The following TMEM161A variants were observed in gnomAD, a reference collection of about 807,000 sequenced individuals.
TMEM161A encodes the protein transmembrane protein 161A.
A neutral mutation model predicts 57.1 loss-of-function variants in TMEM161A; 46 were observed. That is an observed-to-expected ratio of 0.81 (90% CI 0.64 to 1.03). TMEM161A has a LOEUF of 1.03. Ranked by LOEUF, TMEM161A falls within the 50% of genes least tolerant of loss-of-function variation. The pLI is 0.00. For missense variants in TMEM161A, 601 were observed against 621.5 expected, an observed-to-expected ratio of 0.97 and a Z score of 0.35; for synonymous variants, 288 against 279.0, an observed-to-expected ratio of 1.03 and a Z score of -0.32.
At chr19:19,133,668 C>T (rs142133861) in intron 2 of TMEM161A, among the ~76,000 whole-genome samples, 2,699 of 152,194 alleles carry the variant, frequency 0.018, 81 homozygotes, top group African/African-American at 0.062. Context: ...GACAGGGTTT[C>T]ACTATGTTGG....
At position 19,120,060 on chromosome 19, in the gene TMEM161A, G is replaced by C; in HGVS notation, c.1310C>G (p.Ala437Gly). The C allele has an allele frequency of 6.3e-7, 1 of 1,596,728 alleles. No individual in the cohort carries two copies. The highest frequency in any genetic ancestry group is 1.1e-5 in the South Asian group (1 of 88,266). ...VQQTAARIAG[A>G]LGGLLTPLFL... is the part of the protein sequence containing the mutation. ...GAGGGGAGTAAGCAGGCCACCCAGAGCCCCGGCAATCCGCGCTGCAGTCTG... is the reference window on the plus strand; with the variant it reads ...GAGGGGAGTAAGCAGGCCACCCAGACCCCCGGCAATCCGCGCTGCAGTCTG... The change falls in exon 12 of 12, where the codon GCT (alanine) becomes GGT (glycine). Residue 437 changes from alanine to glycine, a missense_variant. Physicochemically the swap from Ala to Gly is moderately conservative, Grantham distance 60. Transcript: ENST00000162044.
In TMEM161A at chr19:19,134,804, G is replaced by T; in HGVS notation, c.87C>A (p.Arg29=). Residue 29 remains arginine (R), a synonymous_variant, in exon 2 of 12, where the codon CGC becomes CGA. Coordinates refer to ENST00000162044, the MANE Select transcript of TMEM161A (RefSeq NM_017814.3). ...HRLAPHCSFA[R]WLLCNGSLFR... ...CTCACCTGCCGTTACAGAGCAGCCA[G>T]CGCGCGAAGGAGCAGTGTGGCGCCA... is the stretch of plus-strand genomic sequence containing the variant. The T allele has an allele frequency of 6.3e-7, 1 of 1,584,810 alleles. No homozygotes were observed. The highest frequency in any genetic ancestry group is 8.6e-7 in the Non-Finnish European group (1 of 1,167,260).
rs1206571036 is a variant in TMEM161A at position 19,133,131 on chromosome 19, G to A, written c.187C>T (p.Arg63Trp). 2.1e-5 allele frequency: 34 copies of A among 1,613,598 alleles called. No homozygotes were observed. In the Middle Eastern group the frequency reaches 8.2e-4, roughly 39 times the overall value. Residue 63 changes from arginine (R) to tryptophan (W), a missense_variant and splice_region_variant, in exon 3 of 12, where the codon CGG becomes TGG. Transcript: ENST00000162044. The stretch of plus-strand genomic sequence containing the variant: ...GGGGCTGGGGCCCAGGTCACTCACC[G>A]CTCTTTCCTGCCTCTGGGCCTCGGC... Reference protein sequence around the residue: ...GKPRPRGRKERWANGLSEEKP... With the variant: ...GKPRPRGRKEWWANGLSEEKP...
chr19:19,128,093 G>C (rs192344895), intron 6 of TMEM161A, among the ~76,000 whole-genome samples: 22 of 152,290 alleles, frequency 1.4e-4, no homozygotes, highest in African/African-American at 5.1e-4. Flanking sequence ...GAGACAGGAC[G>C]TAAAATGGTG....
In TMEM161A at chr19:19,132,401, C is replaced by T; in HGVS notation, c.394G>A (p.Glu132Lys). The T allele has an allele frequency of 6.2e-7, 1 of 1,614,134 alleles. No homozygotes were observed. The change falls in exon 5 of 12, where the codon GAG becomes AAG. Residue 132 changes from glutamate (E) to lysine (K), a missense_variant. Glu to Lys is a moderately conservative substitution (Grantham distance 56, BLOSUM62 1). Transcript: ENST00000162044. The surrounding 1 kb of genome is among the most constrained non-coding windows in gnomAD (Gnocchi z 4.3). ...CACCAGAACACAGCAATGTTAGTCTCCTTGGCTGGTCCCAGCATGTAGTAG... is the reference window on the plus strand; with the variant it reads ...CACCAGAACACAGCAATGTTAGTCTTCTTGGCTGGTCCCAGCATGTAGTAG... ...AYYYMLGPAK[E>K]TNIAVFWCLL... is the part of the protein sequence containing the mutation.
intron 1 of TMEM161A, 44 bp downstream of exon 1, chr19:19,138,382 C>T: frequency 1.3e-6 from 2 of 1,591,744 alleles, no homozygotes; most frequent in African/African-American, 1.3e-5. Flanking sequence ...TTCGGCTGGA[C>T]CTCGGCCCTG....
In TMEM161A at chr19:19,120,009, A is replaced by C; in HGVS notation, c.1361T>G (p.Leu454Arg). The C allele has an allele frequency of 6.3e-7, 1 of 1,594,714 alleles. No homozygotes were observed. Among genetic ancestry groups the C allele is most frequent in the Non-Finnish European group, 8.5e-7 (1 of 1,171,372 alleles). ...CTGGCAGGCAGCCGTCCACCAGATGAGGTAGGCCAGGACGCCACGGAGGAA... is the reference window on the plus strand; with the variant it reads ...CTGGCAGGCAGCCGTCCACCAGATGCGGTAGGCCAGGACGCCACGGAGGAA... Reference protein sequence around the residue: ...PLFLRGVLAYLIWWTAACQLL... With the variant: ...PLFLRGVLAYRIWWTAACQLL... Residue 454 changes from leucine (L) to arginine (R), a missense_variant, in exon 12 of 12, where the codon CTC (leucine) becomes CGC (arginine). Leu to Arg is a moderately radical substitution (Grantham distance 102, BLOSUM62 -2). Transcript: ENST00000162044.
intron 1 of TMEM161A, among the ~76,000 whole-genome samples, chr19:19,136,380 G>C (rs1246919375): frequency 6.6e-6 from 1 of 152,202 alleles, no homozygotes; most frequent in Non-Finnish European, 1.5e-5. Context: ...CTGAGGCCAG[G>C]TGCGGTGGCT....
At position 19,121,250 on chromosome 19, in the gene TMEM161A, C is replaced by T; in HGVS notation, c.914+58G>A. On this transcript the variant is annotated intron_variant, in intron 9 of 11. Coordinates refer to ENST00000162044, the MANE Select transcript of TMEM161A (RefSeq NM_017814.3). The surrounding 1 kb of genome is among the most constrained non-coding windows in gnomAD (Gnocchi z 5.8). Reference sequence around the variant, plus strand: ...CTTCCCCAGGCTCCTCCCTGAATCTCAGAGGCTAGGGCACCCAGGGGAGCC... The same window carrying T: ...CTTCCCCAGGCTCCTCCCTGAATCTTAGAGGCTAGGGCACCCAGGGGAGCC... 1 of 1,551,334 alleles carries T rather than the reference C, an allele frequency of 6.4e-7. No individual in the cohort carries two copies. The highest frequency in any genetic ancestry group is 8.7e-7 in the Non-Finnish European group (1 of 1,146,782).
At chr19:19,124,002 C>T (rs1183492239) in intron 6 of TMEM161A, among the ~76,000 whole-genome samples, 12 of 151,118 alleles carry the variant, frequency 7.9e-5, no homozygotes, top group Middle Eastern at 3.2e-3. Context: ...TGCAGTGAGC[C>T]GAGATTGCGC....
Position 19,132,868 on chromosome 19 carries a change from T to C in TMEM161A, c.189-114A>G, listed in dbSNP as rs1230969418. The C allele has an allele frequency of 2.2e-6, 2 of 899,928 alleles. No individual in the cohort carries two copies. The highest frequency in any genetic ancestry group is 3.3e-6 in the Non-Finnish European group (2 of 601,856). The allele number at this position is 899,928 out of a possible 1,614,324, so 55.7% of individuals were successfully genotyped here. A position where few individuals can be genotyped will look rare whatever the true frequency, so the allele number is the denominator to read the frequency against. On this transcript the variant is annotated intron_variant, in intron 3 of 11. Coordinates refer to ENST00000162044, the MANE Select transcript of TMEM161A (RefSeq NM_017814.3). The surrounding 1 kb of genome is among the most constrained non-coding windows in gnomAD (Gnocchi z 4.3). ...GACCATCTCTTTCCACAACCTTGGC[T>C]CCTCTGCACACTGGGATATGGGGAT...
At chr19:19,136,674 T>A (rs1204043749) in intron 1 of TMEM161A, among the ~76,000 whole-genome samples, 2 of 151,978 alleles carry the variant, frequency 1.3e-5, no homozygotes, top group African/African-American at 4.8e-5. Flanking sequence ...ATAATAATAA[T>A]AATAAAATAA....
At position 19,130,325 on chromosome 19, in the gene TMEM161A, G is replaced by C. The variant is rs2059952229; in HGVS notation, c.444-18C>G. On this transcript the variant is annotated intron_variant, in intron 5 of 11. Transcript: ENST00000162044. Reference sequence around the variant, plus strand: ...ACATCTTGCTGGAGGCTGGAGCTAAGGAGGCCTCAGGTGCCACTGCCCCAC... The same window carrying C: ...ACATCTTGCTGGAGGCTGGAGCTAACGAGGCCTCAGGTGCCACTGCCCCAC... 1 of 1,611,210 alleles carries C rather than the reference G, an allele frequency of 6.2e-7. No individual in the cohort carries two copies. Among genetic ancestry groups the C allele is most frequent in the Admixed American group, 1.7e-5 (1 of 59,994 alleles).
intron 6 of TMEM161A, among the ~76,000 whole-genome samples, chr19:19,123,458 C>G (rs1420796397): frequency 6.6e-6 from 1 of 152,154 alleles, no homozygotes; most frequent in African/African-American, 2.4e-5. Context: ...ATTAGGCTGA[C>G]AGCCAATGTC....
Position 19,121,572 on chromosome 19 carries a change from C to A in TMEM161A, c.753G>T (p.Gln251His). The A allele has an allele frequency of 6.2e-7, 1 of 1,613,938 alleles. No individual in the cohort carries two copies. Among genetic ancestry groups the A allele is most frequent in the Non-Finnish European group, 8.5e-7 (1 of 1,179,964 alleles). Reference sequence around the variant, plus strand: ...ACATGGTCAGTGCGTCCCGGTGGGTCTGGGCCAGCCGCAGGCCTGGGAAGG... The same window carrying A: ...ACATGGTCAGTGCGTCCCGGTGGGTATGGGCCAGCCGCAGGCCTGGGAAGG... The part of the protein sequence containing the change: ...FLTFPGLRLA[Q>H]THRDALTMSE... The change falls in exon 8 of 12, where the codon CAG (glutamine) becomes CAT (histidine). Residue 251 changes from glutamine to histidine, a missense_variant. Gln to His is a conservative substitution (Grantham distance 24, BLOSUM62 0). Transcript: ENST00000162044. This position sits in a 1 kb window ranked among gnomAD's most constrained non-coding sequence, Gnocchi z 5.8.
Position 19,121,231 on chromosome 19 carries a change from C to A in TMEM161A, c.915-65G>T. 2.6e-6 allele frequency: 4 copies of A among 1,550,720 alleles called. No homozygotes were observed. The highest frequency in any genetic ancestry group is 2.6e-6 in the Non-Finnish European group (3 of 1,146,588). Reference sequence around the variant, plus strand: ...GCCCCCGACCCCCCAGGATCTTCCCCAGGCTCCTCCCTGAATCTCAGAGGC... The same window carrying A: ...GCCCCCGACCCCCCAGGATCTTCCCAAGGCTCCTCCCTGAATCTCAGAGGC... On this transcript the variant is annotated intron_variant, in intron 9 of 11. Coordinates refer to ENST00000162044, the MANE Select transcript of TMEM161A (RefSeq NM_017814.3). The surrounding 1 kb of genome is among the most constrained non-coding windows in gnomAD (Gnocchi z 5.8).
chr19:19,126,500 C>T (rs1221404445), intron 6 of TMEM161A, among the ~76,000 whole-genome samples: 1 of 151,970 alleles, frequency 6.6e-6, no homozygotes, highest in Non-Finnish European at 1.5e-5. Flanking sequence ...CCGAGGCTGG[C>T]GATTGCTTGA....
In TMEM161A at chr19:19,134,881, G is replaced by A. The variant is rs1175063086; in HGVS notation, c.10C>T (p.Leu4Phe). Residue 4 changes from leucine (L) to phenylalanine (F), a missense_variant, in exon 2 of 12, where the codon CTC (leucine) becomes TTC (phenylalanine). Transcript: ENST00000162044. ...AGGGTCACCACCAGCTGTACTCCGA[G>A]GACCGCCTGGGGGGAGGGGACATGA... MAVLGVQLVVTLLT... is the reference protein window; with the variant it reads MAVFGVQLVVTLLT... 6.3e-7 allele frequency: 1 copy of A among 1,585,906 alleles called. No individual in the cohort carries two copies. Among genetic ancestry groups the A allele is most frequent in the Non-Finnish European group, 8.6e-7 (1 of 1,166,610 alleles).
intron 5 of TMEM161A, 124 bp from the exon 6 acceptor site, chr19:19,130,431 G>T (rs1238639958): frequency 5.6e-6 from 7 of 1,254,394 alleles, no homozygotes; most frequent in Non-Finnish European, 5.6e-6. Context: ...CCTTGGGGAT[G>T]ACCTAGAGGA....
Sources: allele counts gnomAD v4.1 joint callset (sites outside exome capture counted in the v4.1 genomes callset), GRCh38; gene constraint gnomAD v4.1.1; non-coding constraint Gnocchi (gnomAD v3.1); transcripts MANE v1.5; gene names NCBI Gene and HGNC (gene_info 2026-07-23, HGNC 2026-07-21).